The following FHIT variants were observed in gnomAD, a reference collection of about 807,000 sequenced individuals.
The protein encoded by FHIT is bis(5'-adenosyl)-triphosphatase.
A neutral mutation model predicts 17.9 loss-of-function variants in FHIT; 19 were observed. The ratio of observed to expected loss-of-function variants is 1.06; its 90% CI spans 0.74 to 1.56. The LOEUF (loss-of-function observed/expected upper bound fraction) is 1.56. FHIT is among the 40% of genes most tolerant of loss of function. The probability of loss-of-function intolerance (pLI) is 0.00; values close to 1 mark genes in which losing one functional copy is unlikely to be tolerated. For missense variants in FHIT, 248 were observed against 189.2 expected (o/e 1.31, Z -1.82); for synonymous variants, 81 against 69.7 (o/e 1.16, Z -0.81).
chr3:59,846,340 C>G (rs1270447857), intron 8 of FHIT, among the ~76,000 whole-genome samples: 1 of 152,010 alleles, frequency 6.6e-6, no homozygotes, highest in Non-Finnish European at 1.5e-5. Flanking sequence ...TGAATTTATG[C>G]CAGCTTAACT....
intron 8 of FHIT, among the ~76,000 whole-genome samples, chr3:59,856,685 A>G (rs1412888716): frequency 1.3e-5 from 2 of 152,200 alleles, no homozygotes. Flanking sequence ...TAATGTAGCA[A>G]TGTTATCTAA....
In FHIT at chr3:61,188,256, A is replaced by G. The variant is rs2038588775; in HGVS notation, c.-164+12361T>C. On this transcript the variant is annotated intron_variant, in intron 2 of 9. Transcript: ENST00000492590. ...AAAAAATGATAAAGGGGATATCACC[A>G]CCGATCCCACGGAAATACAAACTAC... Among the ~76,000 whole-genome samples, 7 of 152,356 alleles carry G rather than the reference A, an allele frequency of 4.6e-5. 1 individual carries two copies. In the South Asian group the frequency reaches 1.2e-3, roughly 27 times the overall value.
intron 5 of FHIT, among the ~76,000 whole-genome samples, chr3:60,378,138 C>CCT (rs1700652015): frequency 6.6e-6 from 1 of 151,742 alleles, no homozygotes; most frequent in Non-Finnish European, 1.5e-5. Context: ...GCCATTTTCC[C>CCT]GCCTCAGCCT....
chr3:59,994,266 C>T (rs759256311), intron 7 of FHIT, among the ~76,000 whole-genome samples: 2 of 152,032 alleles, frequency 1.3e-5, no homozygotes, highest in Non-Finnish European at 2.9e-5. Context: ...ACCATCAATG[C>T]AAATAGATGC....
chr3:60,503,854 A>G (rs1289334949), intron 5 of FHIT, among the ~76,000 whole-genome samples: 4 of 152,208 alleles, frequency 2.6e-5, no homozygotes, highest in Admixed American at 1.3e-4. Flanking sequence ...ATCTCTGGGC[A>G]GTAGGATTAT....
intron 3 of FHIT, among the ~76,000 whole-genome samples, chr3:61,036,910 T>TTG (rs1553807390): frequency 1.5e-5 from 2 of 130,874 alleles, no homozygotes; most frequent in Non-Finnish European, 3.3e-5. Context: ...TGTTTTTTTT[T>TTG]TTTGTTTGTT....
At chr3:60,616,031 T>A (rs2038941084) in intron 4 of FHIT, among the ~76,000 whole-genome samples, 1 of 152,206 alleles carries the variant, frequency 6.6e-6, no homozygotes, top group Non-Finnish European at 1.5e-5. Context: ...CTGATCTGTC[T>A]ATGAGTTATT....
chr3:61,099,183 A>T (rs2035740573), intron 2 of FHIT, among the ~76,000 whole-genome samples: 1 of 152,166 alleles, frequency 6.6e-6, no homozygotes, highest in Admixed American at 6.5e-5. Flanking sequence ...ATAATCATGC[A>T]GTTTTTGTCT....
At chr3:60,647,820 G>A (rs1171851396) in intron 4 of FHIT, among the ~76,000 whole-genome samples, 4 of 152,126 alleles carry the variant, frequency 2.6e-5, no homozygotes, top group Non-Finnish European at 5.9e-5. Flanking sequence ...TGCAAAGGAG[G>A]AAAAAGGATG....
chr3:60,285,835 A>C (rs1707700338), intron 5 of FHIT, among the ~76,000 whole-genome samples: 1 of 152,214 alleles, frequency 6.6e-6, no homozygotes, highest in Non-Finnish European at 1.5e-5. Context: ...TAATACATTC[A>C]TATTACTTAG....
chr3:60,039,160 G>A (rs1049193962), intron 5 of FHIT, among the ~76,000 whole-genome samples: 3 of 152,142 alleles, frequency 2.0e-5, no homozygotes, highest in Admixed American at 6.6e-5. Flanking sequence ...TCTCCCATAC[G>A]GTGGCTTCAA....
At chr3:60,861,105 C>G (rs868958309) in intron 3 of FHIT, among the ~76,000 whole-genome samples, 5 of 83,610 alleles carry the variant, frequency 6.0e-5, no homozygotes, top group African/African-American at 2.1e-4. Context: ...ATCATATATA[C>G]ACATATATCC....
At chr3:60,544,674 G>A (rs1202990322) in intron 4 of FHIT, among the ~76,000 whole-genome samples, 2 of 142,900 alleles carry the variant, frequency 1.4e-5, no homozygotes, top group African/African-American at 5.3e-5. Context: ...TGGGCTCACT[G>A]CAAACTCCGC....
At chr3:60,201,466 C>T (rs1402459741) in intron 5 of FHIT, among the ~76,000 whole-genome samples, 1 of 151,880 alleles carries the variant, frequency 6.6e-6, no homozygotes, top group Non-Finnish European at 1.5e-5. Context: ...AAGTCCAGGG[C>T]CATTCAGAGG....
chr3:59,857,203 G>A (rs976420565), intron 8 of FHIT, among the ~76,000 whole-genome samples: 3 of 152,160 alleles, frequency 2.0e-5, no homozygotes, highest in African/African-American at 7.2e-5. Flanking sequence ...TGTGACATGT[G>A]AGATTAAATT....
At chr3:60,560,367 C>A (rs963329237) in intron 4 of FHIT, among the ~76,000 whole-genome samples, 1 of 151,968 alleles carries the variant, frequency 6.6e-6, no homozygotes, top group African/African-American at 2.4e-5. Flanking sequence ...GCTGGGAATA[C>A]GGTCAGAGAT....
intron 5 of FHIT, among the ~76,000 whole-genome samples, chr3:60,370,118 C>T (rs969187638): frequency 2.6e-5 from 4 of 152,168 alleles, no homozygotes; most frequent in Non-Finnish European, 5.9e-5. Flanking sequence ...CCATTTTACT[C>T]ATAATATGTA....
intron 5 of FHIT, among the ~76,000 whole-genome samples, chr3:60,284,732 T>G (rs1240427099): frequency 3.3e-5 from 5 of 152,096 alleles, no homozygotes; most frequent in Non-Finnish European, 7.4e-5. Context: ...GTAGCAAATA[T>G]TATGACTCAA....
chr3:61,221,770 T>C (rs1211803127), intron 1 of FHIT, among the ~76,000 whole-genome samples: 2 of 152,112 alleles, frequency 1.3e-5, no homozygotes, highest in Non-Finnish European at 2.9e-5. Context: ...AACAGAGAGG[T>C]TGGAGAATAC....
Sources: allele counts gnomAD v4.1 joint callset (sites outside exome capture counted in the v4.1 genomes callset), GRCh38; gene constraint gnomAD v4.1.1; transcripts MANE v1.5; gene names NCBI Gene and HGNC (gene_info 2026-07-23, HGNC 2026-07-21).